GDPD1: variants seen among roughly 807,000 people sequenced by gnomAD.
The protein encoded by GDPD1 is lysophospholipase D GDPD1.
A neutral mutation model predicts 45.1 loss-of-function variants in GDPD1; 28 were observed. The observed-to-expected ratio is 0.62, with a 90% CI of 0.46 to 0.85. The LOEUF (loss-of-function observed/expected upper bound fraction) is 0.85. GDPD1 is among the 40% of genes least tolerant of loss of function. The pLI is 0.00. For missense variants in GDPD1, 256 were observed against 364.8 expected, an observed-to-expected ratio of 0.70 and a Z score of 2.43; for synonymous variants, 139 against 131.4, an observed-to-expected ratio of 1.06 and a Z score of -0.40.
intron 6 of GDPD1, among the ~76,000 whole-genome samples, chr17:59,265,665 A>G (rs2047393331): frequency 6.6e-6 from 1 of 151,864 alleles, no homozygotes; most frequent in African/African-American, 2.4e-5. Context: ...TGAGAGGCTG[A>G]GGCAGGTGGA....
rs1040448885 is a variant in GDPD1 at position 59,274,793 on chromosome 17, G to GA, written c.*1028dup. On this transcript the variant is annotated 3_prime_UTR_variant, in exon 10 of 10. Coordinates refer to ENST00000284116, the MANE Select transcript of GDPD1 (RefSeq NM_182569.4). ...ACTCCGTCTCAAAAAAAGAAAAAAA[G>GA]AAAAAAAATTGGCAATAGTCTTCAC... Among the ~76,000 whole-genome samples the GA allele has an allele frequency of 2.7e-5, 4 of 147,414 alleles. No individual in the cohort carries two copies. Among genetic ancestry groups the GA allele is most frequent in the Admixed American group, 6.7e-5 (1 of 14,874 alleles).
rs1357070886 is a variant in GDPD1, at chr17:59,245,394, T to C, written c.186-20T>C. 1.3e-6 allele frequency: 2 copies of C among 1,599,810 alleles called. No homozygotes were observed. The highest frequency in any genetic ancestry group is 1.7e-6 in the Non-Finnish European group (2 of 1,173,262). ...ATGTATACTTAAGTGTCAGATGTCA[T>C]TCTTCTTTTATTTCTTCAGTGCGGT... On this transcript the variant is annotated intron_variant, in intron 2 of 9. Coordinates refer to ENST00000284116, the MANE Select transcript of GDPD1 (RefSeq NM_182569.4).
In GDPD1 at chr17:59,260,224, A is replaced by G. The variant is rs149878001; in HGVS notation, c.576+2384A>G. Among the ~76,000 whole-genome samples, 34 of 151,866 alleles carry G rather than the reference A, an allele frequency of 2.2e-4. No individual in the cohort carries two copies. The East Asian group carries it at 3.5e-3, about 16-fold the overall frequency. ...GATATAAAAGCAGGACCATCTATCT[A>G]CCCACTGAAAATTTTCTGGTTAAAG... On this transcript the variant is annotated intron_variant, in intron 6 of 9. Coordinates refer to ENST00000284116, the MANE Select transcript of GDPD1 (RefSeq NM_182569.4).
chr17:59,274,843 ATT>A lies in GDPD1; in HGVS notation c.*1085_*1086del, dbSNP rs781384753. Among the ~76,000 whole-genome samples the A allele has an allele frequency of 9.5e-5, 13 of 137,262 alleles. No individual in the cohort carries two copies. The highest frequency in any genetic ancestry group is 1.1e-4 in the Non-Finnish European group (7 of 63,604). The allele number at this position is 137,262 out of a possible 152,430, so 90.0% of individuals were successfully genotyped here. A position where few individuals can be genotyped will look rare whatever the true frequency, so the allele number is the denominator to read the frequency against. On this transcript the variant is annotated 3_prime_UTR_variant, in exon 10 of 10. Coordinates refer to ENST00000284116, the MANE Select transcript of GDPD1 (RefSeq NM_182569.4). ...CTGGAATACAATCAATTAGTAAAAGATTTTTTTTTTTTTTTTGACATGTAGTC... is the reference window on the plus strand; with the variant it reads ...CTGGAATACAATCAATTAGTAAAAGATTTTTTTTTTTTTTGACATGTAGTC...
At chr17:59,221,505 C>T (rs1166647116) in intron 1 of GDPD1, among the ~76,000 whole-genome samples, 2 of 146,776 alleles carry the variant, frequency 1.4e-5, no homozygotes, top group African/African-American at 5.1e-5. Flanking sequence ...GGATTTTCAA[C>T]AGACTAAAAA....
rs758290153 is a variant in GDPD1, at chr17:59,267,126, C to T, written c.662C>T (p.Pro221Leu). Residue 221 changes from proline to leucine, a missense_variant, in exon 7 of 10, where the codon CCC becomes CTC. Transcript: ENST00000284116. ...TTCACTGGCCTCTTGCCCTTTGTGC[C>T]CATTCGAGAACAGTTTTTTGAAATC... is the stretch of plus-strand genomic sequence containing the variant. ...LFFTGLLPFV[P>L]IREQFFEIPM... The T allele has an allele frequency of 1.9e-6, 3 of 1,613,824 alleles. No individual in the cohort carries two copies. Among genetic ancestry groups the T allele is most frequent in the Non-Finnish European group, 2.5e-6 (3 of 1,179,840 alleles).
intron 1 of GDPD1, among the ~76,000 whole-genome samples, chr17:59,222,538 G>C: frequency 1.8e-5 from 1 of 56,946 alleles, no homozygotes. Flanking sequence ...TTTTGAGACA[G>C]AGTTTCCCTC....
At chr17:59,260,804 T>G (rs562529151) in intron 6 of GDPD1, 1 of 152,190 alleles carries the variant, frequency 6.6e-6, no homozygotes, top group East Asian at 1.9e-4. Flanking sequence ...GTTACAGATT[T>G]CTTTATTTCT....
Position 59,274,922 on chromosome 17 carries a change from A to G in GDPD1, c.*1149A>G, listed in dbSNP as rs1216874360. ...AGTGGTGCGATCTTGGCTCACTGCAACCTCTGCCTCCCAGGTTCCAGCAAT... is the reference window on the plus strand; with the variant it reads ...AGTGGTGCGATCTTGGCTCACTGCAGCCTCTGCCTCCCAGGTTCCAGCAAT... On this transcript the variant is annotated 3_prime_UTR_variant, in exon 10 of 10. Transcript: ENST00000284116. 6.6e-6 allele frequency among the ~76,000 whole-genome samples: 1 copy of G among 150,510 alleles called. No individual in the cohort carries two copies. Among genetic ancestry groups the G allele is most frequent in the Non-Finnish European group, 1.5e-5 (1 of 67,602 alleles).
chr17:59,274,890 G>A lies in GDPD1; in HGVS notation c.*1117G>A, dbSNP rs754445454. 2.3e-4 allele frequency among the ~76,000 whole-genome samples: 34 copies of A among 148,082 alleles called. No homozygotes were observed. The highest frequency in any genetic ancestry group is 4.3e-4 in the Non-Finnish European group (29 of 67,318). ...GTAGTCTTGCTCTGTCGCCGAGGCC[G>A]GAGTGCAGTGGTGCGATCTTGGCTC... On this transcript the variant is annotated 3_prime_UTR_variant, in exon 10 of 10. Coordinates refer to ENST00000284116, the MANE Select transcript of GDPD1 (RefSeq NM_182569.4).
At chr17:59,261,614 G>C (rs1287212095) in intron 6 of GDPD1, among the ~76,000 whole-genome samples, 1 of 151,806 alleles carries the variant, frequency 6.6e-6, no homozygotes, top group Admixed American at 6.6e-5. Flanking sequence ...TCCTGCCTCA[G>C]CCTCCTGTGT....
At chr17:59,251,804 G>C (rs1034615826) in intron 4 of GDPD1, among the ~76,000 whole-genome samples, 2 of 151,122 alleles carry the variant, frequency 1.3e-5, no homozygotes, top group African/African-American at 2.4e-5. Flanking sequence ...CCAGGGGTTC[G>C]AGACCAGCCT....
intron 3 of GDPD1, among the ~76,000 whole-genome samples, chr17:59,246,061 A>G (rs2047208762): frequency 6.6e-6 from 1 of 151,914 alleles, no homozygotes; most frequent in African/African-American, 2.4e-5. Context: ...TGGAGGTTGC[A>G]GTGAGCCAAG....
rs1438581164 is a variant in GDPD1 at position 59,255,808 on chromosome 17, T to C, written c.368-1314T>C. On this transcript the variant is annotated intron_variant, in intron 4 of 9. Transcript: ENST00000284116. The stretch of plus-strand genomic sequence containing the variant: ...ATACGCGTATATATGTATATATATA[T>C]ATACGCGTATATATATATACGCGTA... Among the ~76,000 whole-genome samples the C allele has an allele frequency of 7.6e-5, 7 of 91,820 alleles. 1 individual carries two copies. Among genetic ancestry groups the C allele is most frequent in the African/African-American group, 4.0e-4 (7 of 17,424 alleles). 60.2% of individuals were successfully genotyped at this position (91,820 alleles called of 152,430 possible). A position where few individuals can be genotyped will look rare whatever the true frequency, so the allele number is the denominator to read the frequency against.
chr17:59,273,117 CT>C (rs2047456251), intron 9 of GDPD1: 2 of 223,548 alleles, frequency 8.9e-6, no homozygotes, highest in Non-Finnish European at 1.6e-5. Context: ...ATGTATATTT[CT>C]TTTTTTACTT....
chr17:59,235,636 G>A (rs2047125772), intron 2 of GDPD1, among the ~76,000 whole-genome samples: 2 of 152,014 alleles, frequency 1.3e-5, no homozygotes, highest in African/African-American at 2.4e-5. Flanking sequence ...GGCCAACGTG[G>A]TGAAACCCCA....
chr17:59,251,544 G>C (rs1191805623), intron 4 of GDPD1, among the ~76,000 whole-genome samples: 1 of 149,206 alleles, frequency 6.7e-6, no homozygotes, highest in Non-Finnish European at 1.5e-5. Flanking sequence ...CAATGCTGTG[G>C]AAAAAAAAAA....
intron 1 of GDPD1, among the ~76,000 whole-genome samples, chr17:59,222,103 C>G (rs1394977478): frequency 1.7e-4 from 26 of 152,168 alleles, no homozygotes; most frequent in Non-Finnish European, 1.5e-5. Flanking sequence ...CATTTAACTA[C>G]TAAGGTGCCT....
chr17:59,266,622 A>G (rs2047401124), intron 6 of GDPD1, among the ~76,000 whole-genome samples: 1 of 152,158 alleles, frequency 6.6e-6, no homozygotes, highest in African/African-American at 2.4e-5. Flanking sequence ...CAGTATTGAT[A>G]TGTATCTATA....
Sources: allele counts gnomAD v4.1 joint callset (sites outside exome capture counted in the v4.1 genomes callset), GRCh38; gene constraint gnomAD v4.1.1; transcripts MANE v1.5; gene names NCBI Gene and HGNC (gene_info 2026-07-23, HGNC 2026-07-21).